PLXNA4: variants seen among roughly 807,000 people sequenced by gnomAD.
The protein encoded by PLXNA4 is plexin-A4.
A neutral mutation model predicts 191.8 loss-of-function variants in PLXNA4; 44 were observed. The observed-to-expected ratio is 0.23, with a 90% CI of 0.18 to 0.29. PLXNA4 has a LOEUF of 0.29. Ranked by LOEUF, PLXNA4 falls within the 10% of genes least tolerant of loss-of-function variation. PLXNA4 has a pLI of 1.00. For synonymous variants in PLXNA4, 1,082 were observed against 1,009.5 expected (o/e 1.07, Z -1.36); for missense variants, 1,800 against 2,488.8 (o/e 0.72, Z 5.89).
intron 24 of PLXNA4, among the ~76,000 whole-genome samples, chr7:132,162,587 C>T (rs1194636671): frequency 5.3e-5 from 8 of 152,144 alleles, no homozygotes; most frequent in South Asian, 2.1e-4. Context: ...AAGACATTTA[C>T]GCAGTACTTC....
chr7:132,633,269 G>A (rs1222460328), intron 2 of PLXNA4, among the ~76,000 whole-genome samples: 1 of 149,998 alleles, frequency 6.7e-6, no homozygotes, highest in East Asian at 2.0e-4. Flanking sequence ...AAACAGTGGG[G>A]CTTGAGGTTC....
chr7:132,494,506 C>T (rs991716349), intron 2 of PLXNA4, among the ~76,000 whole-genome samples: 23 of 152,244 alleles, frequency 1.5e-4, no homozygotes, highest in African/African-American at 5.5e-4. Flanking sequence ...CCTAGCATCC[C>T]GACTCGGGAG....
chr7:132,420,640 A>G (rs1378707842), intron 3 of PLXNA4, among the ~76,000 whole-genome samples: 2 of 152,196 alleles, frequency 1.3e-5, no homozygotes, highest in East Asian at 3.8e-4. Context: ...GGTGTTAAGA[A>G]CATTCCCATT....
At chr7:132,491,290 C>T (rs1310125874) in intron 2 of PLXNA4, among the ~76,000 whole-genome samples, 1 of 152,248 alleles carries the variant, frequency 6.6e-6, no homozygotes, top group East Asian at 1.9e-4. Context: ...AAGGAAAGGG[C>T]ATCTGGAGAA....
intron 2 of PLXNA4, among the ~76,000 whole-genome samples, chr7:132,641,649 AT>A (rs1803745490): frequency 6.6e-6 from 1 of 152,166 alleles, no homozygotes. Context: ...ATAATAAAAA[AT>A]TTGCTTTGCT....
At chr7:132,432,876 G>A (rs1795319932) in intron 3 of PLXNA4, among the ~76,000 whole-genome samples, 1 of 152,070 alleles carries the variant, frequency 6.6e-6, no homozygotes, top group Non-Finnish European at 1.5e-5. Context: ...TAGGCCTTTC[G>A]AGTCCCTTTT....
intron 2 of PLXNA4, among the ~76,000 whole-genome samples, chr7:132,598,706 A>C (rs1161886663): frequency 6.6e-6 from 1 of 150,458 alleles, no homozygotes; most frequent in Non-Finnish European, 1.5e-5. Context: ...TAGACACAGT[A>C]AACTATCTTC....
chr7:132,393,905 G>A (rs1793629938), intron 3 of PLXNA4, among the ~76,000 whole-genome samples: 1 of 152,034 alleles, frequency 6.6e-6, no homozygotes, highest in South Asian at 2.1e-4. Context: ...AGGCTTTTCT[G>A]CCAACTTACG....
chr7:132,128,667 G>A lies in PLXNA4; in HGVS notation c.*1812C>T, dbSNP rs1263499116. The A allele has an allele frequency of 6.6e-6, 1 of 152,206 alleles. No individual in the cohort carries two copies. The highest frequency in any genetic ancestry group is 1.5e-5 in the Non-Finnish European group (1 of 68,060). The allele number at this position is 152,206 out of a possible 1,614,324, so 9.4% of individuals were successfully genotyped here. A position where few individuals can be genotyped will look rare whatever the true frequency, so the allele number is the denominator to read the frequency against. Reference sequence around the variant, plus strand: ...ACATGTGCACATATTCATATCCAAAGGGGCAAGTGTTCTTAAAAGTACCGG... The same window carrying A: ...ACATGTGCACATATTCATATCCAAAAGGGCAAGTGTTCTTAAAAGTACCGG... On this transcript the variant is annotated 3_prime_UTR_variant, in exon 32 of 32. Coordinates refer to ENST00000321063, the MANE Select transcript of PLXNA4 (RefSeq NM_020911.2).
At chr7:132,644,846 C>A (rs557956766) in intron 2 of PLXNA4, among the ~76,000 whole-genome samples, 74 of 152,278 alleles carry the variant, frequency 4.9e-4, no homozygotes, top group Non-Finnish European at 4.4e-5. Flanking sequence ...GACCTTGAGA[C>A]AAAAATCTCA....
intron 1 of PLXNA4, among the ~76,000 whole-genome samples, chr7:132,549,341 G>GA (rs1329931142): frequency 1.3e-5 from 2 of 152,102 alleles, no homozygotes; most frequent in Non-Finnish European, 2.9e-5. Flanking sequence ...GAATCCCAGG[G>GA]AACCTAATTT....
At chr7:132,236,526 C>T (rs930960075) in intron 5 of PLXNA4, among the ~76,000 whole-genome samples, 1 of 152,152 alleles carries the variant, frequency 6.6e-6, no homozygotes, top group African/African-American at 2.4e-5. Context: ...CAGGGTCTTG[C>T]CCATGGTGGG....
chr7:132,356,596 C>A (rs1021506923), intron 3 of PLXNA4, among the ~76,000 whole-genome samples: 2 of 152,254 alleles, frequency 1.3e-5, no homozygotes, highest in African/African-American at 4.8e-5. Flanking sequence ...TCTGCATCCA[C>A]CGCTGTTGTC....
At chr7:132,191,851 C>CAT (rs1319423570) in intron 14 of PLXNA4, among the ~76,000 whole-genome samples, 1 of 150,678 alleles carries the variant, frequency 6.6e-6, no homozygotes, top group East Asian at 1.9e-4. Context: ...CACACACACA[C>CAT]ATATATATGC....
At chr7:132,157,063 T>C (rs958489419) in intron 25 of PLXNA4, among the ~76,000 whole-genome samples, 3 of 152,216 alleles carry the variant, frequency 2.0e-5, no homozygotes, top group Non-Finnish European at 4.4e-5. Flanking sequence ...TTCTCTCTGC[T>C]ATCTGTCCCT....
intron 2 of PLXNA4, among the ~76,000 whole-genome samples, chr7:132,614,279 G>A (rs900785169): frequency 1.3e-5 from 2 of 151,790 alleles, no homozygotes; most frequent in African/African-American, 2.4e-5. Flanking sequence ...TTTTCAGAAC[G>A]CTAAAAATCC....
chr7:132,178,427 C>A (rs796943132), intron 20 of PLXNA4, among the ~76,000 whole-genome samples: 12 of 152,276 alleles, frequency 7.9e-5, no homozygotes, highest in African/African-American at 2.9e-4. Context: ...TATCAGTCTG[C>A]AGCTTTCCTT....
chr7:132,643,793 T>A (rs1366525043), intron 2 of PLXNA4, among the ~76,000 whole-genome samples: 8 of 151,964 alleles, frequency 5.3e-5, no homozygotes, highest in Non-Finnish European at 7.4e-5. Context: ...TATAAAAAAA[T>A]TTTAAAAAAT....
At chr7:132,196,066 A>AGTTT (rs1210024444) in intron 13 of PLXNA4, among the ~76,000 whole-genome samples, 3 of 152,134 alleles carry the variant, frequency 2.0e-5, no homozygotes, top group African/African-American at 7.2e-5. Context: ...TCATACTGAA[A>AGTTT]CCCCCACTAG....
Sources: gnomAD v4.1 joint callset for allele counts (sites outside exome capture counted in the v4.1 genomes callset) on GRCh38, gnomAD v4.1.1 for gene constraint, MANE v1.5 for transcripts, NCBI Gene and HGNC (gene_info 2026-07-23, HGNC 2026-07-21) for gene names.